The following GABRA4 variants were observed in gnomAD, a reference collection of about 807,000 sequenced individuals.
The protein encoded by GABRA4 is gamma-aminobutyric acid type A receptor subunit alpha4, also known as gamma-aminobutyric acid receptor subunit alpha-4.
In GABRA4, 12 loss-of-function variants were observed where a neutral mutation model predicts 49.7. That is an observed-to-expected ratio of 0.24 (90% confidence interval 0.15 to 0.39). GABRA4 has a LOEUF of 0.39. Among genes scored for constraint, GABRA4 ranks in the 10% least tolerant of loss-of-function variants. GABRA4 has a pLI of 1.00. For synonymous variants in GABRA4, 288 were observed against 240.2 expected, an observed-to-expected ratio of 1.20 and a Z score of -1.84; for missense variants, 506 against 686.0, an observed-to-expected ratio of 0.74 and a Z score of 2.93.
intron 8 of GABRA4, among the ~76,000 whole-genome samples, chr4:46,946,055 C>G (rs950261558): frequency 9.2e-5 from 14 of 152,110 alleles, no homozygotes; most frequent in Non-Finnish European, 1.6e-4. Flanking sequence ...GTTCTTATCT[C>G]CAGCACTATT....
At chr4:46,929,065 T>G (rs939385318) in intron 8 of GABRA4, among the ~76,000 whole-genome samples, 3 of 152,024 alleles carry the variant, frequency 2.0e-5, no homozygotes, top group African/African-American at 7.2e-5. Flanking sequence ...TTAATTGCAT[T>G]TTAAGAGTTA....
At position 46,928,499 on chromosome 4, in the gene GABRA4, A is replaced by T. The variant is rs756707519; in HGVS notation, c.1391T>A (p.Met464Lys). 1 of 1,613,572 alleles carries T rather than the reference A, an allele frequency of 6.2e-7. No individual in the cohort carries two copies. The highest frequency in any genetic ancestry group is 1.3e-5 in the African/African-American group (1 of 74,914). ...AGATCCAACTGAAGCCTTTCGAGGC[A>T]TATATCCAGTTCGGATAGAAGTAGG... is the stretch of plus-strand genomic sequence containing the variant. ...ASPTSIRTGY[M>K]PRKASVGSAS... The change falls in exon 9 of 9, where the codon ATG becomes AAG. Residue 464 changes from methionine to lysine, a missense_variant. Transcript: ENST00000264318.
Position 46,993,272 on chromosome 4 carries a change from A to G in GABRA4, c.86+67T>C, listed in dbSNP as rs991182682. ...CACCCAGGGAGGAGCGAGTGGCCAA[A>G]GGGGTCCCGGAGCTAGCCATTTCTC... is the stretch of plus-strand genomic sequence containing the variant. On this transcript the variant is annotated intron_variant, in intron 1 of 8. Transcript: ENST00000264318. 7 of 1,377,614 alleles carry G rather than the reference A, an allele frequency of 5.1e-6. No homozygotes were observed. The African/African-American group carries it at 8.5e-5, about 17-fold the overall frequency. 85.3% of individuals were successfully genotyped at this position (1,377,614 alleles called of 1,614,324 possible).
At chr4:46,942,346 A>T (rs1446403799) in intron 8 of GABRA4, among the ~76,000 whole-genome samples, 2 of 152,110 alleles carry the variant, frequency 1.3e-5, no homozygotes, top group East Asian at 3.9e-4. Flanking sequence ...ACTCATTGTT[A>T]CTTGATTATT....
At chr4:46,988,592 T>C (rs1361124726) in intron 2 of GABRA4, among the ~76,000 whole-genome samples, 2 of 152,234 alleles carry the variant, frequency 1.3e-5, no homozygotes, top group South Asian at 2.1e-4. Context: ...TTGATTTTTG[T>C]GGGGAAAATA....
At chr4:46,970,232 G>A (rs1722903339) in intron 7 of GABRA4, among the ~76,000 whole-genome samples, 1 of 151,322 alleles carries the variant, frequency 6.6e-6, no homozygotes, top group African/African-American at 2.4e-5. Context: ...ATTATACCAT[G>A]GCTGTGATCC....
At chr4:46,930,884 A>T (rs997201881) in intron 8 of GABRA4, among the ~76,000 whole-genome samples, 15 of 151,896 alleles carry the variant, frequency 9.9e-5, no homozygotes, top group Non-Finnish European at 1.6e-4. Context: ...GACAACACAG[A>T]ACCATAATCA....
At chr4:46,978,871 G>A (rs1486803031) in intron 3 of GABRA4, among the ~76,000 whole-genome samples, 160 bp downstream of exon 3, 1 of 151,984 alleles carries the variant, frequency 6.6e-6, no homozygotes, top group East Asian at 1.9e-4. Context: ...CAAATTGAAT[G>A]AGATTCAATG....
At chr4:46,986,384 G>A (rs1171115748) in intron 2 of GABRA4, among the ~76,000 whole-genome samples, 1 of 151,848 alleles carries the variant, frequency 6.6e-6, no homozygotes, top group African/African-American at 2.4e-5. Flanking sequence ...CATCTGTCAG[G>A]AGCATTTGAC....
chr4:46,992,910 C>T lies in GABRA4; in HGVS notation c.123G>A (p.Glu41=), dbSNP rs141960746. 124 of 1,613,158 alleles carry T rather than the reference C, an allele frequency of 7.7e-5. 1 individual carries two copies. In the African/African-American group the frequency reaches 1.6e-3, roughly 20 times the overall value. The change falls in exon 2 of 9, where the codon GAG becomes GAA. Residue 41 remains glutamate, a synonymous_variant. Transcript: ENST00000264318. ...NESPGQNQKE[E]KLCTENFTRI... Reference sequence around the variant, plus strand: ...GGGTGAAATTTTCTGTGCACAATTTCTCCTCCTTTTGGTTCTGTCCTGGGG... The same window carrying T: ...GGGTGAAATTTTCTGTGCACAATTTTTCCTCCTTTTGGTTCTGTCCTGGGG...
chr4:46,937,554 C>T (rs1355235759), intron 8 of GABRA4, among the ~76,000 whole-genome samples: 7 of 151,904 alleles, frequency 4.6e-5, no homozygotes, highest in Non-Finnish European at 1.0e-4. Context: ...CTGGTAACCC[C>T]AAAATTCTAG....
Position 46,927,914 on chromosome 4 carries a change from C to A in GABRA4, c.*311G>T. On this transcript the variant is annotated 3_prime_UTR_variant, in exon 9 of 9. Transcript: ENST00000264318. ...TTTTTAAAATGTCATAGTCTGTTTT[C>A]AAATATCAATGAAAAAATATGCGCC... 1 of 213,428 alleles carries A rather than the reference C, an allele frequency of 4.7e-6. No homozygotes were observed. The highest frequency in any genetic ancestry group is 9.4e-6 in the Non-Finnish European group (1 of 106,588). The allele number at this position is 213,428 out of a possible 1,614,324, so 13.2% of individuals were successfully genotyped here. A position where few individuals can be genotyped will look rare whatever the true frequency, so the allele number is the denominator to read the frequency against.
At chr4:46,981,342 T>C (rs1034065707) in intron 2 of GABRA4, among the ~76,000 whole-genome samples, 22 of 152,138 alleles carry the variant, frequency 1.4e-4, no homozygotes, top group African/African-American at 5.1e-4. Context: ...ATAGTTACAA[T>C]GATTCCATGA....
intron 8 of GABRA4, among the ~76,000 whole-genome samples, chr4:46,955,983 A>G (rs1722346873): frequency 6.6e-6 from 1 of 152,104 alleles, no homozygotes; most frequent in African/African-American, 2.4e-5. Flanking sequence ...AGTAGCTGAG[A>G]TCTGTTCTAA....
At chr4:46,947,488 CT>C (rs921546544) in intron 8 of GABRA4, among the ~76,000 whole-genome samples, 3 of 150,444 alleles carry the variant, frequency 2.0e-5, no homozygotes, top group African/African-American at 7.4e-5. Flanking sequence ...AGCAGCTGCA[CT>C]TAGTTAAATT....
intron 8 of GABRA4, among the ~76,000 whole-genome samples, chr4:46,953,207 T>A (rs975541336): frequency 6.6e-5 from 10 of 152,144 alleles, no homozygotes; most frequent in African/African-American, 2.4e-4. Flanking sequence ...CTACTCTCCT[T>A]TATCTGCTGA....
At chr4:46,971,963 T>C (rs2109386225) in intron 6 of GABRA4, among the ~76,000 whole-genome samples, 1 of 151,036 alleles carries the variant, frequency 6.6e-6, no homozygotes, top group East Asian at 2.0e-4. Context: ...TGTTGATAAG[T>C]GTTTTTACTG....
chr4:46,990,715 T>C (rs16859826), intron 2 of GABRA4, among the ~76,000 whole-genome samples: 16,146 of 152,220 alleles, frequency 0.11, 937 homozygotes, highest in South Asian at 0.19. Flanking sequence ...ATCTGAACGA[T>C]TCTCCACAAC....
At chr4:46,959,814 T>TTA (rs1452856858) in intron 8 of GABRA4, among the ~76,000 whole-genome samples, 1 of 104,770 alleles carries the variant, frequency 9.5e-6, no homozygotes, top group African/African-American at 3.5e-5. Flanking sequence ...AACACAAAAA[T>TTA]TATGTATATA....
Sources: allele counts gnomAD v4.1 joint callset (sites outside exome capture counted in the v4.1 genomes callset), GRCh38; gene constraint gnomAD v4.1.1; transcripts MANE v1.5; gene names NCBI Gene and HGNC (gene_info 2026-07-23, HGNC 2026-07-21).